The following PDE4B variants were observed in gnomAD, a reference collection of about 807,000 sequenced individuals.
PDE4B encodes 3',5'-cyclic-AMP phosphodiesterase 4B.
PDE4B carries 20 observed loss-of-function variants against 82.2 expected under a neutral mutation model. That is an observed-to-expected ratio of 0.24 (90% CI 0.17 to 0.35). The LOEUF is 0.35. Among genes scored for constraint, PDE4B ranks in the 10% least tolerant of loss-of-function variants. The probability of loss-of-function intolerance (pLI) is 1.00; values close to 1 mark genes in which losing one functional copy is unlikely to be tolerated. For missense variants in PDE4B, 655 were observed against 907.2 expected (o/e 0.72, Z 3.57); for synonymous variants, 320 against 318.9 (o/e 1.00, Z -0.04).
intron 2 of PDE4B, among the ~76,000 whole-genome samples, chr1:65,915,402 A>G (rs552297747): frequency 4.6e-5 from 7 of 152,312 alleles, no homozygotes; most frequent in African/African-American, 1.7e-4. Flanking sequence ...TTCTGATTTC[A>G]TAAGACTTAA....
At chr1:65,937,047 T>C (rs1330852336) in intron 3 of PDE4B, among the ~76,000 whole-genome samples, 2 of 152,186 alleles carry the variant, frequency 1.3e-5, no homozygotes, top group African/African-American at 2.4e-5. Flanking sequence ...GGTTTCCTTA[T>C]GGTGGACTCT....
intron 3 of PDE4B, among the ~76,000 whole-genome samples, chr1:66,136,833 A>G (rs550669868): frequency 1.3e-4 from 20 of 152,246 alleles, no homozygotes; most frequent in African/African-American, 3.4e-4. Context: ...CAGAGAAGCA[A>G]TGGTTGAGAT....
rs1000854238 is a variant in PDE4B, at chr1:65,996,991, A to G, written c.281+78156A>G. Among the ~76,000 whole-genome samples, 42 of 152,240 alleles carry G rather than the reference A, an allele frequency of 2.8e-4. 1 individual carries two copies. The highest frequency in any genetic ancestry group is 9.6e-4 in the African/African-American group (40 of 41,552). On this transcript the variant is annotated intron_variant, in intron 3 of 16. Coordinates refer to ENST00000341517, the MANE Select transcript of PDE4B (RefSeq NM_002600.4). ...TATGGCCTGCCTGTGCTTGCCTGGT[A>G]CTTGTCACACAGTGTCCAGCTTTTA...
intron 3 of PDE4B, among the ~76,000 whole-genome samples, chr1:66,100,931 A>G (rs1265997319): frequency 6.6e-6 from 1 of 152,100 alleles, no homozygotes; most frequent in Non-Finnish European, 1.5e-5. Flanking sequence ...TGTTGTACCC[A>G]TTAACTCGTC....
At chr1:66,309,420 G>A (rs1290107327) in intron 7 of PDE4B, among the ~76,000 whole-genome samples, 7 of 152,164 alleles carry the variant, frequency 4.6e-5, no homozygotes, top group Admixed American at 4.6e-4. Flanking sequence ...CTAGCTCCCT[G>A]GGCTTCTATG....
intron 3 of PDE4B, among the ~76,000 whole-genome samples, chr1:66,081,279 A>G (rs1044423566): frequency 1.3e-5 from 2 of 152,220 alleles, no homozygotes; most frequent in South Asian, 2.1e-4. Flanking sequence ...TCTGTTATCA[A>G]CGTTCTCCAT....
At chr1:65,924,387 T>C (rs1387287444) in intron 3 of PDE4B, among the ~76,000 whole-genome samples, 4 of 152,120 alleles carry the variant, frequency 2.6e-5, no homozygotes, top group African/African-American at 4.8e-5. Flanking sequence ...AATTTTTTTT[T>C]CAAACTATGT....
intron 8 of PDE4B, among the ~76,000 whole-genome samples, chr1:66,348,142 C>A (rs1661548287): frequency 6.6e-6 from 1 of 152,136 alleles, no homozygotes; most frequent in South Asian, 2.1e-4. Context: ...TCAAAATAAA[C>A]CTTTGTCATC....
Position 66,286,817 on chromosome 1 carries a change from G to A in PDE4B, c.634+20730G>A, listed in dbSNP as rs1415144391. ...CACAAGACTTAGCCCATGTAATAAAGAGAATATTCTGAATACCCTTTAATA... is the reference window on the plus strand; with the variant it reads ...CACAAGACTTAGCCCATGTAATAAAAAGAATATTCTGAATACCCTTTAATA... On this transcript the variant is annotated intron_variant, in intron 7 of 16. Transcript: ENST00000341517. Among the ~76,000 whole-genome samples, 8 of 152,116 alleles carry A rather than the reference G, an allele frequency of 5.3e-5. No homozygotes were observed. The South Asian group carries it at 6.2e-4, about 12-fold the overall frequency.
At chr1:66,159,672 T>C (rs1224031434) in intron 3 of PDE4B, among the ~76,000 whole-genome samples, 5 of 152,226 alleles carry the variant, frequency 3.3e-5, no homozygotes, top group African/African-American at 4.8e-5. Flanking sequence ...TTTTGCCTGG[T>C]GCCTCAAATC....
Position 66,186,928 on chromosome 1 carries a change from C to G in PDE4B, c.282-60532C>G, listed in dbSNP as rs184948025. Among the ~76,000 whole-genome samples the G allele has an allele frequency of 8.4e-3, 1,281 of 152,194 alleles. 25 individuals are homozygous for G. The highest frequency in any genetic ancestry group is 0.029 in the African/African-American group (1,200 of 41,530). ...TCTTGTGCCAGTTTTCAAAGGGAAT[C>G]CTTCCAGTTTGTGCCCATTCAGTAT... On this transcript the variant is annotated intron_variant, in intron 3 of 16. Coordinates refer to ENST00000341517, the MANE Select transcript of PDE4B (RefSeq NM_002600.4).
intron 3 of PDE4B, among the ~76,000 whole-genome samples, chr1:66,233,340 C>T (rs1290301313): frequency 2.0e-5 from 3 of 152,116 alleles, no homozygotes; most frequent in African/African-American, 7.2e-5. Context: ...AAGTGGTATT[C>T]CACTGTATGG....
At chr1:66,210,904 C>G (rs1011878288) in intron 3 of PDE4B, among the ~76,000 whole-genome samples, 19 of 152,182 alleles carry the variant, frequency 1.2e-4, no homozygotes, top group Admixed American at 1.0e-3. Flanking sequence ...TATTCCATTT[C>G]TTTTTTGCCT....
intron 3 of PDE4B, among the ~76,000 whole-genome samples, chr1:66,210,595 C>CAAAAAAA (rs35825766): frequency 5.0e-3 from 217 of 43,390 alleles, no homozygotes; most frequent in Middle Eastern, 0.014. Flanking sequence ...GACTCCATCT[C>CAAAAAAA]AAAAAAAAAA....
chr1:66,065,519 C>T (rs977689462), intron 3 of PDE4B, among the ~76,000 whole-genome samples: 4 of 151,596 alleles, frequency 2.6e-5, no homozygotes, highest in Non-Finnish European at 4.4e-5. Context: ...CATTTTTATA[C>T]GTTGCTTTTC....
Position 66,372,832 on chromosome 1 carries a change from A to C in PDE4B, c.*154A>C. 1.5e-6 allele frequency: 1 copy of C among 687,800 alleles called. No homozygotes were observed. Among genetic ancestry groups the C allele is most frequent in the Non-Finnish European group, 2.4e-6 (1 of 419,546 alleles). The allele number at this position is 687,800 out of a possible 1,614,324, so 42.6% of individuals were successfully genotyped here. On this transcript the variant is annotated 3_prime_UTR_variant, in exon 17 of 17. Coordinates refer to ENST00000341517, the MANE Select transcript of PDE4B (RefSeq NM_002600.4). ...TTTGGAGTCAGAAAGCAAGACCAGG[A>C]AGCAAATAGCAGCTCAGGAAATCCC...
intron 1 of PDE4B, among the ~76,000 whole-genome samples, chr1:65,827,586 A>C (rs1224290123): frequency 6.6e-6 from 1 of 152,190 alleles, no homozygotes; most frequent in African/African-American, 2.4e-5. Flanking sequence ...AATTTCCCAA[A>C]ATAAAACTCA....
chr1:66,022,425 A>T (rs1653181618), intron 3 of PDE4B, among the ~76,000 whole-genome samples: 1 of 152,200 alleles, frequency 6.6e-6, no homozygotes, highest in South Asian at 2.1e-4. Flanking sequence ...CCCATTCAGC[A>T]TGATATTGGC....
At position 66,089,738 on chromosome 1, in the gene PDE4B, T is replaced by A. The variant is rs370383341; in HGVS notation, c.282-157722T>A. On this transcript the variant is annotated intron_variant, in intron 3 of 16. Transcript: ENST00000341517. The stretch of plus-strand genomic sequence containing the variant: ...ATTTGTTTTGTGGTATGTTGGCTTT[T>A]TGTCTCAAACAGCTGATTGTTCTGT... 1.2e-4 allele frequency among the ~76,000 whole-genome samples: 19 copies of A among 152,228 alleles called. No homozygotes were observed. The South Asian group carries it at 3.9e-3, about 32-fold the overall frequency.
Sources: gnomAD v4.1 joint callset for allele counts (sites outside exome capture counted in the v4.1 genomes callset) on GRCh38, gnomAD v4.1.1 for gene constraint, MANE v1.5 for transcripts, NCBI Gene and HGNC (gene_info 2026-07-23, HGNC 2026-07-21) for gene names.